FBXO10: variants seen among roughly 807,000 people sequenced by gnomAD.
The protein encoded by FBXO10 is F-box protein 10.
FBXO10 carries 39 observed loss-of-function variants against 80.7 expected under a neutral mutation model. The ratio of observed to expected loss-of-function variants is 0.48; its 90% CI spans 0.37 to 0.63. FBXO10 has a LOEUF of 0.63. FBXO10 is among the 30% of genes least tolerant of loss of function. The pLI, the probability that FBXO10 is intolerant of heterozygous loss-of-function variation, is 0.00. For missense variants in FBXO10, 1,025 were observed against 1,269.0 expected (o/e 0.81, Z 2.92); for synonymous variants, 449 against 489.6 (o/e 0.92, Z 1.09).
rs78284002 is a variant in FBXO10 at position 37,561,173 on chromosome 9, CTTT to C, written c.-7+15035_-7+15037del. Among the ~76,000 whole-genome samples the C allele has an allele frequency of 3.6e-4, 47 of 129,800 alleles. 2 individuals are homozygous for C. Among genetic ancestry groups the C allele is most frequent in the African/African-American group, 6.3e-4 (21 of 33,380 alleles). 85.2% of individuals were successfully genotyped at this position (129,800 alleles called of 152,430 possible). ...ACAAAACAAAACAAAACAAAATCAA[CTTT>C]TTTTTTTTTTTTTTTTTTAAAGAAG... On this transcript the variant is annotated intron_variant, in intron 1 of 10. Coordinates refer to ENST00000432825, the MANE Select transcript of FBXO10 (RefSeq NM_012166.3).
intron 1 of FBXO10, among the ~76,000 whole-genome samples, chr9:37,546,674 T>C (rs1224706969): frequency 6.6e-6 from 1 of 151,396 alleles, no homozygotes; most frequent in Non-Finnish European, 1.5e-5. Context: ...AGACCTTCAC[T>C]AGTAGGTTGA....
rs570868308 is a variant in FBXO10 at position 37,515,557 on chromosome 9, AT to A, written c.2696+346del. 23 of 181,776 alleles carry A rather than the reference AT, an allele frequency of 1.3e-4. No homozygotes were observed. The East Asian group carries it at 3.6e-3, about 28-fold the overall frequency. 11.3% of individuals were successfully genotyped at this position (181,776 alleles called of 1,614,324 possible). ...AAGGACAGCAGCAGCATCAACTAACATTTTTACAGCCCCTCAGAGATTCAGC... is the reference window on the plus strand; with the variant it reads ...AAGGACAGCAGCAGCATCAACTAACATTTTACAGCCCCTCAGAGATTCAGC... On this transcript the variant is annotated intron_variant, in intron 10 of 10. Transcript: ENST00000432825.
Position 37,571,720 on chromosome 9 carries a change from T to TATATATAC in FBXO10, c.-7+4490_-7+4491insGTATATAT, listed in dbSNP as rs1337165287. On this transcript the variant is annotated intron_variant, in intron 1 of 10. Transcript: ENST00000432825. ...AAGAGGGTGAAAAGAGAGCCATATATATATATATATATATATATATATATA... is the reference window on the plus strand; with the variant it reads ...AAGAGGGTGAAAAGAGAGCCATATATATATATACATATATATATATATATATATATATA... 2.7e-4 allele frequency among the ~76,000 whole-genome samples: 28 copies of TATATATAC among 102,660 alleles called. No homozygotes were observed. The East Asian group carries it at 0.023, about 85-fold the overall frequency. The allele number at this position is 102,660 out of a possible 152,430, so 67.3% of individuals were successfully genotyped here. A position where few individuals can be genotyped will look rare whatever the true frequency, so the allele number is the denominator to read the frequency against.
intron 5 of FBXO10, among the ~76,000 whole-genome samples, 195 bp downstream of exon 5, chr9:37,528,929 C>T (rs1260129576): frequency 6.6e-6 from 1 of 152,138 alleles, no homozygotes; most frequent in Non-Finnish European, 1.5e-5. Context: ...TAGTGACTGC[C>T]GAATAGAACG....
At chr9:37,533,872 C>CAA (rs200965716) in intron 3 of FBXO10, among the ~76,000 whole-genome samples, 129 of 108,900 alleles carry the variant, frequency 1.2e-3, no homozygotes, top group South Asian at 4.0e-3. Context: ...GACTCCGTCT[C>CAA]AAAAAAAAAA....
chr9:37,538,180 G>C (rs968162535), intron 2 of FBXO10, among the ~76,000 whole-genome samples: 4 of 152,064 alleles, frequency 2.6e-5, no homozygotes, highest in African/African-American at 7.2e-5. Context: ...CAAAGGAAGG[G>C]AGACAAGTAG....
intron 9 of FBXO10, among the ~76,000 whole-genome samples, chr9:37,517,830 T>C (rs1164795065): frequency 1.3e-5 from 2 of 152,212 alleles, no homozygotes; most frequent in East Asian, 3.8e-4. Context: ...GTCCTGACCT[T>C]GACCCGGAGA....
rs1194346366 is a variant in FBXO10 at position 37,512,249 on chromosome 9, C to CA, written c.*297dup. On this transcript the variant is annotated 3_prime_UTR_variant, in exon 11 of 11. Coordinates refer to ENST00000432825, the MANE Select transcript of FBXO10 (RefSeq NM_012166.3). ...GTGTAAAACACAGTTCCTTAGAACT[C>CA]AGAGAAAATCCTGACCAAAAGCTTC... 10 of 264,078 alleles carry CA rather than the reference C, an allele frequency of 3.8e-5. No individual in the cohort carries two copies. 16.4% of individuals were successfully genotyped at this position (264,078 alleles called of 1,614,324 possible). A position where few individuals can be genotyped will look rare whatever the true frequency, so the allele number is the denominator to read the frequency against.
Position 37,522,825 on chromosome 9 carries a change from C to G in FBXO10, c.1930G>C (p.Ala644Pro), listed in dbSNP as rs1185836755. 7.1e-6 allele frequency: 11 copies of G among 1,551,880 alleles called. No homozygotes were observed. The highest frequency in any genetic ancestry group is 9.6e-6 in the Non-Finnish European group (11 of 1,147,044). ...KGLIEGNTIYANKGCGVWMMS... is the reference protein window; with the variant it reads ...KGLIEGNTIYPNKGCGVWMMS... ...GCTGGGTTGGGAACAAGCTCCTCACCGTAGATGGTATTTCCTTCTATGAGG... is the reference window on the plus strand; with the variant it reads ...GCTGGGTTGGGAACAAGCTCCTCACGGTAGATGGTATTTCCTTCTATGAGG... Residue 644 changes from alanine to proline, a missense_variant and splice_region_variant, in exon 7 of 11, where the codon GCT becomes CCT. Ala to Pro is a conservative substitution (Grantham distance 27). Transcript: ENST00000432825.
intron 10 of FBXO10, among the ~76,000 whole-genome samples, chr9:37,512,979 A>G (rs1167878537): frequency 1.3e-5 from 2 of 152,112 alleles, no homozygotes; most frequent in Non-Finnish European, 2.9e-5. Context: ...GTAGGCCTCA[A>G]TTTTCCCGCT....
chr9:37,518,007 T>C (rs1267084772), intron 9 of FBXO10, 118 bp downstream of exon 9: 22 of 1,082,262 alleles, frequency 2.0e-5, no homozygotes, highest in Non-Finnish European at 2.6e-5. Flanking sequence ...GCAGGAGGGA[T>C]ACTGTCCCTT....
At position 37,563,683 on chromosome 9, in the gene FBXO10, A is replaced by G. The variant is rs1247114569; in HGVS notation, c.-7+12528T>C. On this transcript the variant is annotated intron_variant, in intron 1 of 10. Coordinates refer to ENST00000432825, the MANE Select transcript of FBXO10 (RefSeq NM_012166.3). ...TCACAGCATTTTGTCCCTCCCCTAGAGATCTGTGGAACTTTGAACTTGAGA... is the reference window on the plus strand; with the variant it reads ...TCACAGCATTTTGTCCCTCCCCTAGGGATCTGTGGAACTTTGAACTTGAGA... Among the ~76,000 whole-genome samples, 6 of 152,176 alleles carry G rather than the reference A, an allele frequency of 3.9e-5. No individual in the cohort carries two copies. In the South Asian group the frequency reaches 1.0e-3, roughly 26 times the overall value.
rs749041313 is a variant in FBXO10 at position 37,537,134 on chromosome 9, T to C, written c.1395A>G (p.Ala465=). 5.1e-5 allele frequency: 83 copies of C among 1,613,126 alleles called. No homozygotes were observed. Among genetic ancestry groups the C allele is most frequent in the Non-Finnish European group, 6.9e-5 (81 of 1,179,458 alleles). The change falls in exon 3 of 11, where the codon GCA becomes GCG. Residue 465 remains alanine, a synonymous_variant. Coordinates refer to ENST00000432825, the MANE Select transcript of FBXO10 (RefSeq NM_012166.3). ...CCTTGCTATTATGTATACACCGCACTGCGTAAGTCAGGTTCCGGAAGATGT... is the reference window on the plus strand; with the variant it reads ...CCTTGCTATTATGTATACACCGCACCGCGTAAGTCAGGTTCCGGAAGATGT... The part of the protein sequence containing the change: ...EGNIFRNLTY[A]VRCIHNSKII...
intron 10 of FBXO10, among the ~76,000 whole-genome samples, chr9:37,514,222 A>G (rs1237303709): frequency 6.6e-6 from 1 of 152,186 alleles, no homozygotes; most frequent in Non-Finnish European, 1.5e-5. Context: ...GACTGTATGT[A>G]TTTGAGTTTG....
intron 5 of FBXO10, among the ~76,000 whole-genome samples, chr9:37,525,418 G>C (rs1459801685): frequency 6.6e-6 from 1 of 152,084 alleles, no homozygotes; most frequent in East Asian, 1.9e-4. Flanking sequence ...TATAAGCCAG[G>C]CATATAGAAA....
Position 37,537,479 on chromosome 9 carries a change from G to A in FBXO10, c.1050C>T (p.Thr350=), listed in dbSNP as rs61747579. 0.011 allele frequency: 17,810 copies of A among 1,608,818 alleles called. 139 individuals carry two copies. The highest frequency in any genetic ancestry group is 0.014 in the Non-Finnish European group (16,298 of 1,177,646). ...VGSDGERVAQ[T]PDSSDGGLSP... ...TCAGGCCTCCATCGCTGCTGTCCGG[G>A]GTCTGGGCCACCCTTTCACCATCAC... Residue 350 remains threonine, a synonymous_variant, in exon 3 of 11, where the codon ACC becomes ACT. Coordinates refer to ENST00000432825, the MANE Select transcript of FBXO10 (RefSeq NM_012166.3).
chr9:37,524,960 C>T (rs76481333), intron 6 of FBXO10, 142 bp downstream of exon 6: 19 of 680,426 alleles, frequency 2.8e-5, no homozygotes, highest in Admixed American at 1.1e-4. Flanking sequence ...ATGCAGCTGG[C>T]GTCCCTGAGC....
chr9:37,526,706 C>T (rs1359913636), intron 5 of FBXO10, among the ~76,000 whole-genome samples: 1 of 152,174 alleles, frequency 6.6e-6, no homozygotes, highest in Non-Finnish European at 1.5e-5. Context: ...ATCCACTCCT[C>T]ATCCTTTCCA....
intron 1 of FBXO10, among the ~76,000 whole-genome samples, chr9:37,563,681 A>G (rs1350285775): frequency 6.6e-6 from 1 of 152,196 alleles, no homozygotes; most frequent in Non-Finnish European, 1.5e-5. Context: ...TCCCTCCCCT[A>G]GAGATCTGTG....
Sources: gnomAD v4.1 joint callset for allele counts (sites outside exome capture counted in the v4.1 genomes callset) on GRCh38, gnomAD v4.1.1 for gene constraint, MANE v1.5 for transcripts, NCBI Gene and HGNC (gene_info 2026-07-23, HGNC 2026-07-21) for gene names.